Variants in MVB12B observed in about 807,000 individuals in gnomAD.
MVB12B encodes multivesicular body subunit 12B.
MVB12B carries 16 observed loss-of-function variants against 41.6 expected under a neutral mutation model. The ratio of observed to expected loss-of-function variants is 0.38; its 90% CI spans 0.26 to 0.58. MVB12B has a LOEUF of 0.58. MVB12B is among the 20% of genes least tolerant of loss of function. The pLI, the probability that MVB12B is intolerant of heterozygous loss-of-function variation, is 0.62. For synonymous variants in MVB12B, 133 were observed against 139.7 expected (o/e 0.95, Z 0.34); for missense variants, 274 against 380.2 (o/e 0.72, Z 2.32).
intron 9 of MVB12B, among the ~76,000 whole-genome samples, chr9:126,489,650 C>T (rs890482231): frequency 6.6e-6 from 1 of 152,214 alleles, no homozygotes; most frequent in African/African-American, 2.4e-5. Flanking sequence ...AATTCCAACT[C>T]AAACGCCGTC....
intron 6 of MVB12B, among the ~76,000 whole-genome samples, chr9:126,412,072 G>T (rs1465152211): frequency 6.6e-6 from 1 of 152,180 alleles, no homozygotes; most frequent in Non-Finnish European, 1.5e-5. Context: ...TGTGGGCAAT[G>T]GTCAGGGACC....
At chr9:126,381,354 AAC>A (rs1359120342) in intron 3 of MVB12B, among the ~76,000 whole-genome samples, 183 bp downstream of exon 3, 7 of 152,208 alleles carry the variant, frequency 4.6e-5, no homozygotes, top group African/African-American at 1.7e-4. Flanking sequence ...CAGTGTTATT[AAC>A]CACGTACCCA....
Position 126,395,680 on chromosome 9 carries a change from A to C in MVB12B, c.645A>C (p.Pro215=). 1 of 1,614,090 alleles carries C rather than the reference A, an allele frequency of 6.2e-7. No individual in the cohort carries two copies. Among genetic ancestry groups the C allele is most frequent in the Non-Finnish European group, 8.5e-7 (1 of 1,179,986 alleles). The part of the protein sequence containing the change: ...TPSQSSAAST[P]APNLPRHISL... ...CCCAGTCATCAGCTGCCTCCACCCC[A>C]GCCCCCAACCTTCCCAGGTGAGGCC... Residue 215 remains proline, a synonymous_variant, in exon 6 of 10, where the codon CCA becomes CCC. Coordinates refer to ENST00000361171, the MANE Select transcript of MVB12B (RefSeq NM_033446.3). The surrounding 1 kb of genome is among the most constrained non-coding windows in gnomAD (Gnocchi z 4.9).
chr9:126,419,160 C>T (rs1002763574), intron 6 of MVB12B, among the ~76,000 whole-genome samples: 1 of 152,130 alleles, frequency 6.6e-6, no homozygotes, highest in Non-Finnish European at 1.5e-5. Context: ...GAGTGTTTAC[C>T]GCACTGCACA....
chr9:126,378,088 G>A (rs749044510), intron 2 of MVB12B, among the ~76,000 whole-genome samples: 18 of 152,196 alleles, frequency 1.2e-4, no homozygotes, highest in Non-Finnish European at 1.5e-4. Flanking sequence ...TCCATGTTGC[G>A]CATGCTGCAC....
At chr9:126,379,742 C>G (rs10121327) in intron 2 of MVB12B, among the ~76,000 whole-genome samples, 2 of 152,162 alleles carry the variant, frequency 1.3e-5, no homozygotes, top group Non-Finnish European at 2.9e-5. Context: ...AGAGCGTGGC[C>G]GTGGTGGGCT....
At chr9:126,455,535 A>T (rs1832963916) in intron 7 of MVB12B, among the ~76,000 whole-genome samples, 1 of 152,058 alleles carries the variant, frequency 6.6e-6, no homozygotes, top group African/African-American at 2.4e-5. Flanking sequence ...CCCAGGTTGG[A>T]GTGCAGTGGC....
chr9:126,490,492 A>G (rs1412246341), intron 9 of MVB12B, among the ~76,000 whole-genome samples: 1 of 152,094 alleles, frequency 6.6e-6, no homozygotes, highest in Non-Finnish European at 1.5e-5. Flanking sequence ...TCAGCTGCCA[A>G]CCTCAGCAGA....
intron 9 of MVB12B, among the ~76,000 whole-genome samples, chr9:126,488,600 A>G (rs1833670691): frequency 6.6e-6 from 1 of 152,166 alleles, no homozygotes; most frequent in African/African-American, 2.4e-5. Context: ...GGACTCAAGA[A>G]GTTAAGTGAC....
intron 7 of MVB12B, among the ~76,000 whole-genome samples, chr9:126,443,871 G>A (rs1832703862): frequency 1.3e-5 from 2 of 152,182 alleles, no homozygotes; most frequent in South Asian, 2.1e-4. Flanking sequence ...CTCCATTTCC[G>A]GCCCTTCCCT....
Position 126,340,189 on chromosome 9 carries a change from G to C in MVB12B, c.82-319G>C, listed in dbSNP as rs1829403195. On this transcript the variant is annotated intron_variant, in intron 1 of 9. Coordinates refer to ENST00000361171, the MANE Select transcript of MVB12B (RefSeq NM_033446.3). The surrounding 1 kb of genome is among the most constrained non-coding windows in gnomAD (Gnocchi z 4.0). ...GTCTTCAGAGCAGCTACTGGTATCTGTTCAGAAATCAAGCAGCTGGATGGC... is the reference window on the plus strand; with the variant it reads ...GTCTTCAGAGCAGCTACTGGTATCTCTTCAGAAATCAAGCAGCTGGATGGC... Among the ~76,000 whole-genome samples, 1 of 152,088 alleles carries C rather than the reference G, an allele frequency of 6.6e-6. No individual in the cohort carries two copies. Among genetic ancestry groups the C allele is most frequent in the Non-Finnish European group, 1.5e-5 (1 of 68,026 alleles).
chr9:126,422,205 G>A (rs1564322886), intron 7 of MVB12B, among the ~76,000 whole-genome samples: 1 of 150,890 alleles, frequency 6.6e-6, no homozygotes, highest in African/African-American at 2.4e-5. Flanking sequence ...GTTGAAGGGA[G>A]GTTTCCAGAG....
intron 6 of MVB12B, among the ~76,000 whole-genome samples, chr9:126,407,166 C>A (rs1831459807): frequency 6.6e-6 from 1 of 152,172 alleles, no homozygotes; most frequent in Non-Finnish European, 1.5e-5. Flanking sequence ...TCTAGCCCAA[C>A]CCCAAGTTGG....
intron 8 of MVB12B, 37 bp from the exon 9 acceptor site, chr9:126,483,936 C>T (rs1177383783): frequency 8.7e-6 from 14 of 1,609,666 alleles, no homozygotes; most frequent in Non-Finnish European, 1.2e-5. Context: ...GAGCATTTTC[C>T]AGCTATTTAA....
intron 7 of MVB12B, among the ~76,000 whole-genome samples, chr9:126,466,514 C>T (rs939787607): frequency 2.0e-5 from 3 of 152,128 alleles, no homozygotes; most frequent in African/African-American, 7.2e-5. Flanking sequence ...CACACATACG[C>T]GGATAGTGTG....
At chr9:126,487,240 C>A (rs1833638437) in intron 9 of MVB12B, among the ~76,000 whole-genome samples, 1 of 152,196 alleles carries the variant, frequency 6.6e-6, no homozygotes, top group Non-Finnish European at 1.5e-5. Context: ...TGCAAAGGTC[C>A]AGTGAATGGC....
intron 7 of MVB12B, among the ~76,000 whole-genome samples, chr9:126,441,999 T>G (rs1205778121): frequency 2.6e-5 from 4 of 152,210 alleles, no homozygotes; most frequent in African/African-American, 9.7e-5. Flanking sequence ...TAGTAGCTGC[T>G]GGGTTTCATA....
At chr9:126,447,771 G>A (rs1298339125) in intron 7 of MVB12B, among the ~76,000 whole-genome samples, 2 of 152,288 alleles carry the variant, frequency 1.3e-5, no homozygotes, top group East Asian at 3.9e-4. Context: ...AACAATGGTA[G>A]CTTTTGTTTT....
At chr9:126,494,030 A>G (rs1287751941) in intron 9 of MVB12B, among the ~76,000 whole-genome samples, 1 of 152,058 alleles carries the variant, frequency 6.6e-6, no homozygotes, top group Non-Finnish European at 1.5e-5. Context: ...CGTATTTTAA[A>G]TGGAAGTTTG....
Sources: allele counts gnomAD v4.1 joint callset (sites outside exome capture counted in the v4.1 genomes callset), GRCh38; gene constraint gnomAD v4.1.1; non-coding constraint Gnocchi (gnomAD v3.1); transcripts MANE v1.5; gene names NCBI Gene and HGNC (gene_info 2026-07-23, HGNC 2026-07-21).